PCDH11X: variants seen among roughly 807,000 people sequenced by gnomAD.
The protein encoded by PCDH11X is protocadherin 11 X-linked.
In PCDH11X, 18 loss-of-function variants were observed where a neutral mutation model predicts 53.3. The observed-to-expected ratio is 0.34, with a 90% CI of 0.23 to 0.50. The LOEUF (loss-of-function observed/expected upper bound fraction) is 0.50, where lower values mean the gene tolerates loss of function less well. PCDH11X is among the 20% of genes least tolerant of loss of function. The pLI is 0.98. For missense variants in PCDH11X, 570 were observed against 1,032.4 expected, an observed-to-expected ratio of 0.55 and a Z score of 6.14; for synonymous variants, 279 against 393.3, an observed-to-expected ratio of 0.71 and a Z score of 3.44.
At chrX:92,223,568 C>T (rs2066918213) in intron 7 of PCDH11X, among the ~76,000 whole-genome samples, 1 of 111,984 alleles carries the variant, frequency 8.9e-6, no homozygotes, top group South Asian at 3.7e-4. Flanking sequence ...CTGGTATCCA[C>T]CAAAACTAAG....
At chrX:92,478,581 G>A (rs1404525857) in intron 10 of PCDH11X, among the ~76,000 whole-genome samples, 2 of 111,024 alleles carry the variant, frequency 1.8e-5, no homozygotes, top group Non-Finnish European at 3.8e-5. Flanking sequence ...GTGTTCTTAT[G>A]AGTTTCAAAT....
chrX:91,875,513 G>A (rs1343519575), intron 5 of PCDH11X, among the ~76,000 whole-genome samples: 1 of 107,607 alleles, frequency 9.3e-6, no homozygotes, highest in Non-Finnish European at 1.9e-5. Context: ...GGATGGTCTC[G>A]ATCTCCTGAC....
rs760610154 is a variant in PCDH11X, at chrX:91,877,698, G to A, written c.1458G>A (p.Thr486=). 3.0e-5 allele frequency: 36 copies of A among 1,209,408 alleles called. No homozygotes were observed. Among genetic ancestry groups the A allele is most frequent in the Non-Finnish European group, 3.8e-5 (34 of 895,082 alleles). Residue 486 remains threonine (T), a synonymous_variant, in exon 6 of 11, where the codon ACG becomes ACA. Transcript: ENST00000682573. The part of the protein sequence containing the change: ...PENNSPGIQL[T]KVSAMDADSG... ...ATAACTCTCCTGGCATCCAGTTGACGAAAGTAAGTGCAATGGATGCAGACA... is the reference window on the plus strand; with the variant it reads ...ATAACTCTCCTGGCATCCAGTTGACAAAAGTAAGTGCAATGGATGCAGACA...
intron 9 of PCDH11X, among the ~76,000 whole-genome samples, chrX:92,393,205 A>C (rs1438512546): frequency 9.0e-6 from 1 of 110,846 alleles, no homozygotes; most frequent in African/African-American, 3.3e-5. Flanking sequence ...AAAAGAAATT[A>C]TGCTCCCTTT....
chrX:92,255,955 G>T (rs2067569511), intron 7 of PCDH11X, among the ~76,000 whole-genome samples: 1 of 112,434 alleles, frequency 8.9e-6, no homozygotes, highest in Non-Finnish European at 1.9e-5. Context: ...GCTGTGGTGG[G>T]CTCCACCCAG....
intron 8 of PCDH11X, among the ~76,000 whole-genome samples, chrX:92,331,720 C>A (rs1023623017): frequency 2.7e-5 from 3 of 110,506 alleles, no homozygotes; most frequent in Non-Finnish European, 3.8e-5. Context: ...ATATTTTATT[C>A]AAATGGTTTT....
intron 6 of PCDH11X, among the ~76,000 whole-genome samples, chrX:92,148,129 T>C (rs1603050906): frequency 7.3e-4 from 7 of 9,536 alleles, no homozygotes; most frequent in East Asian, 0.032. Context: ...TTTCTTTCTT[T>C]CTTTTTCCTT....
intron 6 of PCDH11X, among the ~76,000 whole-genome samples, chrX:91,890,847 C>A (rs1166718113): frequency 9.0e-6 from 1 of 111,144 alleles, no homozygotes; most frequent in Non-Finnish European, 1.9e-5. Flanking sequence ...TGTATACATG[C>A]ATACATGCCT....
intron 6 of PCDH11X, among the ~76,000 whole-genome samples, chrX:92,116,925 G>A (rs1247055886): frequency 9.2e-6 from 1 of 108,725 alleles, no homozygotes; most frequent in Non-Finnish European, 1.9e-5. Context: ...ATCAATGTTG[G>A]GTTAGCAGTG....
At chrX:92,570,384 A>G (rs1922059701) in intron 10 of PCDH11X, among the ~76,000 whole-genome samples, 2 of 112,192 alleles carry the variant, frequency 1.8e-5, no homozygotes, top group Non-Finnish European at 3.8e-5. Flanking sequence ...TTTGTTTAAC[A>G]TAAATTACTT....
chrX:91,954,084 C>T (rs1452815316), intron 6 of PCDH11X, among the ~76,000 whole-genome samples: 1 of 110,117 alleles, frequency 9.1e-6, no homozygotes, highest in South Asian at 3.9e-4. Flanking sequence ...ATCCCAGCAT[C>T]GATTAGGTAT....
chrX:92,106,511 C>A (rs373367339), intron 6 of PCDH11X, among the ~76,000 whole-genome samples: 1 of 111,279 alleles, frequency 9.0e-6, no homozygotes, highest in African/African-American at 3.3e-5. Context: ...CAATTTTGTG[C>A]AACTCCAGAC....
intron 10 of PCDH11X, among the ~76,000 whole-genome samples, chrX:92,489,808 C>CATAT (rs34430167): frequency 1.9e-5 from 2 of 103,525 alleles, no homozygotes; most frequent in African/African-American, 6.9e-5. Flanking sequence ...TATACTTACA[C>CATAT]ATATATATAT....
chrX:92,488,515 C>A (rs1419833328), intron 10 of PCDH11X, among the ~76,000 whole-genome samples: 2 of 111,070 alleles, frequency 1.8e-5, no homozygotes, highest in Non-Finnish European at 3.8e-5. Context: ...GACATAATAA[C>A]TAAGGTAGAA....
At chrX:91,912,134 C>G (rs1248669075) in intron 6 of PCDH11X, among the ~76,000 whole-genome samples, 1 of 111,688 alleles carries the variant, frequency 9.0e-6, no homozygotes, top group African/African-American at 3.3e-5. Flanking sequence ...GATTTTGTAT[C>G]CTCAGCTTTG....
intron 9 of PCDH11X, among the ~76,000 whole-genome samples, chrX:92,412,086 GAA>G (rs1158883588): frequency 1.7e-5 from 1 of 59,486 alleles, no homozygotes. Context: ...GGAGGAGGAA[GAA>G]GAAGAAGAAG....
chrX:92,103,132 G>C (rs897010768), intron 6 of PCDH11X, among the ~76,000 whole-genome samples: 5 of 110,629 alleles, frequency 4.5e-5, no homozygotes, highest in Non-Finnish European at 9.4e-5. Flanking sequence ...GGAGGCTTTG[G>C]GTTGGGGAGA....
Position 92,513,567 on chromosome X carries a change from T to C in PCDH11X, c.3367+45245T>C, listed in dbSNP as rs2074202785. Among the ~76,000 whole-genome samples, 3 of 107,532 alleles carry C rather than the reference T, an allele frequency of 2.8e-5. No homozygotes were observed. In the Admixed American group the frequency reaches 3.0e-4, roughly 11 times the overall value. 93.4% of individuals were successfully genotyped at this position (107,532 alleles called of 115,157 possible). A position where few individuals can be genotyped will look rare whatever the true frequency, so the allele number is the denominator to read the frequency against. On this transcript the variant is annotated intron_variant, in intron 10 of 10. Coordinates refer to ENST00000682573, the MANE Select transcript of PCDH11X (RefSeq NM_032968.5). The stretch of plus-strand genomic sequence containing the variant: ...CATCTCAATGTATAAATATTATTTC[T>C]ATTGAAAATCTTAACAACTCAGGCT...
intron 4 of PCDH11X, among the ~76,000 whole-genome samples, chrX:91,833,487 T>C (rs1937187439): frequency 9.0e-6 from 1 of 111,123 alleles, no homozygotes; most frequent in Non-Finnish European, 1.9e-5. Flanking sequence ...AACAGTGTTT[T>C]TGTGTTGTTT....
Sources: allele counts gnomAD v4.1 joint callset (sites outside exome capture counted in the v4.1 genomes callset), GRCh38; gene constraint gnomAD v4.1.1; transcripts MANE v1.5; gene names NCBI Gene and HGNC (gene_info 2026-07-23, HGNC 2026-07-21).